The following SLC8A1 variants were observed in gnomAD, a reference collection of about 807,000 sequenced individuals.
SLC8A1 encodes sodium/calcium exchanger 1.
In SLC8A1, 18 loss-of-function variants were observed where a neutral mutation model predicts 68.3. The ratio of observed to expected loss-of-function variants is 0.26; its 90% CI spans 0.18 to 0.39. The LOEUF is 0.39. Among genes scored for constraint, SLC8A1 ranks in the 10% least tolerant of loss-of-function variants. The pLI, the probability that SLC8A1 is intolerant of heterozygous loss-of-function variation, is 1.00. For missense variants in SLC8A1, 985 were observed against 1,156.7 expected, an observed-to-expected ratio of 0.85 and a Z score of 2.15; for synonymous variants, 475 against 415.5, an observed-to-expected ratio of 1.14 and a Z score of -1.74.
At chr2:40,499,149 G>GT (rs1203665904) in intron 1 of SLC8A1, among the ~76,000 whole-genome samples, 4 of 151,880 alleles carry the variant, frequency 2.6e-5, no homozygotes, top group Non-Finnish European at 5.9e-5. Flanking sequence ...ATATATAATC[G>GT]TAAGGACTGG....
At chr2:40,231,337 A>G (rs1166784927) in intron 2 of SLC8A1, among the ~76,000 whole-genome samples, 1 of 152,192 alleles carries the variant, frequency 6.6e-6, no homozygotes, top group Non-Finnish European at 1.5e-5. Context: ...GACTTATGGC[A>G]TTCACATCTA....
chr2:40,346,971 T>G (rs1669554536), intron 2 of SLC8A1, among the ~76,000 whole-genome samples: 1 of 152,156 alleles, frequency 6.6e-6, no homozygotes, highest in Admixed American at 6.6e-5. Context: ...AAATAAACCC[T>G]GCTTATTTCA....
chr2:40,120,031 C>T (rs908545237), intron 7 of SLC8A1, among the ~76,000 whole-genome samples: 2 of 152,208 alleles, frequency 1.3e-5, no homozygotes, highest in Non-Finnish European at 2.9e-5. Context: ...CCCTTTCCTT[C>T]AGCAATTATT....
chr2:40,326,484 G>A (rs1034614825), intron 2 of SLC8A1, among the ~76,000 whole-genome samples: 2 of 152,042 alleles, frequency 1.3e-5, no homozygotes, highest in Non-Finnish European at 2.9e-5. Context: ...ACATCAGAGA[G>A]TTATCTTACT....
exon 8 of SLC8A1, chr2:40,112,230 GA>G (rs1369331937): frequency 6.6e-6 from 1 of 152,526 alleles, no homozygotes; most frequent in African/African-American, 2.4e-5. Context: ...ATTTCATACA[GA>G]ATATGCTGTA....
chr2:40,136,957 G>A (rs895960092), intron 7 of SLC8A1, among the ~76,000 whole-genome samples: 1 of 152,140 alleles, frequency 6.6e-6, no homozygotes, highest in Non-Finnish European at 1.5e-5. Context: ...AGAAATCTGC[G>A]TCCCGATGGA....
At chr2:40,422,024 T>A (rs1695647786) in intron 2 of SLC8A1, among the ~76,000 whole-genome samples, 1 of 152,112 alleles carries the variant, frequency 6.6e-6, no homozygotes, top group Non-Finnish European at 1.5e-5. Context: ...CAAGGCACTA[T>A]GGGAAGACAG....
At chr2:40,422,371 T>A (rs929768953) in intron 2 of SLC8A1, among the ~76,000 whole-genome samples, 2 of 152,192 alleles carry the variant, frequency 1.3e-5, no homozygotes, top group African/African-American at 4.8e-5. Context: ...ATGTTGCCTA[T>A]AGGCAATTTT....
intron 2 of SLC8A1, among the ~76,000 whole-genome samples, chr2:40,218,084 T>G (rs1021596051): frequency 8.3e-6 from 1 of 120,630 alleles, no homozygotes; most frequent in Non-Finnish European, 1.8e-5. Flanking sequence ...GAGGTTATAT[T>G]TCAACTTCTT....
intron 2 of SLC8A1, among the ~76,000 whole-genome samples, chr2:40,339,141 G>A (rs1559305641): frequency 1.3e-5 from 2 of 152,040 alleles, no homozygotes; most frequent in African/African-American, 2.4e-5. Context: ...CGCGCCTCTG[G>A]CTTCTTCTCT....
chr2:40,154,838 A>AT (rs2044172201), intron 6 of SLC8A1, among the ~76,000 whole-genome samples: 2 of 149,344 alleles, frequency 1.3e-5, no homozygotes, highest in South Asian at 4.2e-4. Flanking sequence ...CTAATTTTTT[A>AT]TTTTTTTGTA....
At chr2:40,107,951 G>A (rs1311560451) in exon 8 of SLC8A1, 2 of 152,190 alleles carry the variant, frequency 1.3e-5, no homozygotes, top group Non-Finnish European at 1.5e-5. Context: ...AACAACGCTA[G>A]TATTTACTGT....
intron 2 of SLC8A1, among the ~76,000 whole-genome samples, chr2:40,347,585 T>A (rs1669751558): frequency 6.6e-6 from 1 of 152,202 alleles, no homozygotes; most frequent in Non-Finnish European, 1.5e-5. Flanking sequence ...GTGTTGGGAA[T>A]ATTCCATGAG....
intron 1 of SLC8A1, among the ~76,000 whole-genome samples, chr2:40,491,663 T>A (rs1226150449): frequency 6.6e-6 from 1 of 152,158 alleles, no homozygotes; most frequent in Non-Finnish European, 1.5e-5. Context: ...CATCAATACC[T>A]AATTTATTGA....
chr2:40,466,002 C>T (rs1351881553), intron 1 of SLC8A1, among the ~76,000 whole-genome samples: 1 of 152,126 alleles, frequency 6.6e-6, no homozygotes, highest in East Asian at 1.9e-4. Context: ...TGTGAGGACA[C>T]AGCAAGAAGG....
At chr2:40,418,916 C>A (rs564832449) in intron 2 of SLC8A1, among the ~76,000 whole-genome samples, 2 of 152,244 alleles carry the variant, frequency 1.3e-5, no homozygotes, top group African/African-American at 4.8e-5. Flanking sequence ...GACAGCAACA[C>A]TGACAGCTCA....
chr2:40,440,151 A>T (rs957235744), intron 1 of SLC8A1, among the ~76,000 whole-genome samples: 12 of 152,106 alleles, frequency 7.9e-5, no homozygotes, highest in Non-Finnish European at 1.3e-4. Context: ...CATCTAGTGA[A>T]TATGTTCTTT....
chr2:40,163,193 C>T (rs1466303620), intron 5 of SLC8A1, among the ~76,000 whole-genome samples: 1 of 152,094 alleles, frequency 6.6e-6, no homozygotes. Flanking sequence ...TAGTGGTTAC[C>T]AGAAAGGGCT....
At position 40,387,844 on chromosome 2, in the gene SLC8A1, T is replaced by C. The variant is rs558218672; in HGVS notation, c.1808+40629A>G. Reference sequence around the variant, plus strand: ...CCCAGCTACTTTGGAGCCTGAGACATGAGAATTGTTTGAACCTGGGAGGTG... The same window carrying C: ...CCCAGCTACTTTGGAGCCTGAGACACGAGAATTGTTTGAACCTGGGAGGTG... On this transcript the variant is annotated intron_variant, in intron 2 of 7. Coordinates refer to ENST00000406785, the Ensembl canonical transcript of SLC8A1. Among the ~76,000 whole-genome samples the C allele has an allele frequency of 6.1e-5, 9 of 146,540 alleles. No individual in the cohort carries two copies. The South Asian group carries it at 1.5e-3, about 24-fold the overall frequency.
Sources: allele counts gnomAD v4.1 joint callset (sites outside exome capture counted in the v4.1 genomes callset), GRCh38; gene constraint gnomAD v4.1.1; transcripts MANE v1.5; gene names NCBI Gene and HGNC (gene_info 2026-07-23, HGNC 2026-07-21).